DLGAP3: variants seen among roughly 807,000 people sequenced by gnomAD.
DLGAP3 encodes disks large-associated protein 3.
DLGAP3 carries 17 observed loss-of-function variants against 81.2 expected under a neutral mutation model. The observed-to-expected ratio is 0.21, with a 90% confidence interval of 0.14 to 0.31. The LOEUF is 0.31. Among genes scored for constraint, DLGAP3 ranks in the 10% least tolerant of loss-of-function variants. DLGAP3 has a pLI of 1.00. For missense variants in DLGAP3, 1,124 were observed against 1,388.0 expected (o/e 0.81, Z 3.02); for synonymous variants, 577 against 587.4 (o/e 0.98, Z 0.26).
chr1:34,903,436 G>A lies in DLGAP3; in HGVS notation c.1107+841C>T, dbSNP rs150163466. Among the ~76,000 whole-genome samples the A allele has an allele frequency of 4.5e-3, 681 of 152,298 alleles. 8 individuals carry two copies. The highest frequency in any genetic ancestry group is 0.016 in the African/African-American group (651 of 41,552). On this transcript the variant is annotated intron_variant, in intron 3 of 11. Coordinates refer to ENST00000373347, the MANE Select transcript of DLGAP3 (RefSeq NM_001080418.3). ...GATCTGTATCAACTATGTCGAATGC[G>A]GAAATACACTGGACCTCCAGAACTT...
chr1:34,878,263 G>A (rs1381639164), intron 8 of DLGAP3, among the ~76,000 whole-genome samples: 2 of 151,962 alleles, frequency 1.3e-5, no homozygotes, highest in African/African-American at 2.4e-5. Flanking sequence ...CTGAGATCAC[G>A]CCAATGCACT....
At chr1:34,876,709 T>C (rs770017315) in intron 8 of DLGAP3, among the ~76,000 whole-genome samples, 3 of 152,208 alleles carry the variant, frequency 2.0e-5, no homozygotes, top group Non-Finnish European at 4.4e-5. Flanking sequence ...CCCAGTGTGA[T>C]CACCTGTCCC....
rs60469155 is a variant in DLGAP3, at chr1:34,906,016, T to TTTTTTATATATATATATATATA, written c.-51-583_-51-582insTATATATATATATATATAAAAA. ...ACAGAGCGAGACCTGGCCTCTAAAT[T>TTTTTTATATATATATATATATA]TATATATATATATATATTTGTTTGT... is the stretch of plus-strand genomic sequence containing the variant. On this transcript the variant is annotated intron_variant, in intron 2 of 11. Coordinates refer to ENST00000373347, the MANE Select transcript of DLGAP3 (RefSeq NM_001080418.3). Among the ~76,000 whole-genome samples, 248 of 64,808 alleles carry TTTTTTATATATATATATATATA rather than the reference T, an allele frequency of 3.8e-3. 12 individuals carry two copies. Among genetic ancestry groups the TTTTTTATATATATATATATATA allele is most frequent in the African/African-American group, 0.01 (226 of 21,620 alleles). The allele number at this position is 64,808 out of a possible 152,430, so 42.5% of individuals were successfully genotyped here. A position where few individuals can be genotyped will look rare whatever the true frequency, so the allele number is the denominator to read the frequency against.
intron 1 of DLGAP3, among the ~76,000 whole-genome samples, chr1:34,918,159 T>C (rs1639744745): frequency 6.6e-6 from 1 of 152,158 alleles, no homozygotes. Context: ...CAGGCATGGT[T>C]CTCTAGTGCC....
chr1:34,886,309 A>T, intron 5 of DLGAP3, 24 bp from the exon 6 acceptor site: 2 of 1,549,348 alleles, frequency 1.3e-6, no homozygotes, highest in South Asian at 2.4e-5. Flanking sequence ...GGTCGGGAGG[A>T]CAGTTATAAG....
Position 34,885,638 on chromosome 1 carries a change from A to G in DLGAP3, c.1754T>C (p.Leu585Pro). Residue 585 changes from leucine (L) to proline (P), a missense_variant, in exon 7 of 12, where the codon CTG (leucine) becomes CCG (proline). Transcript: ENST00000373347. Reference sequence around the variant, plus strand: ...GCGCGCACCCATGGCGGGGCCGTCCAGCCCGTCGGCGGAGCTGCAGCGCCG... The same window carrying G: ...GCGCGCACCCATGGCGGGGCCGTCCGGCCCGTCGGCGGAGCTGCAGCGCCG... ...PARRCSSADG[L>P]DGPAMGARTL... 6.7e-7 allele frequency: 1 copy of G among 1,498,182 alleles called. No homozygotes were observed. 92.8% of individuals were successfully genotyped at this position (1,498,182 alleles called of 1,614,324 possible).
intron 8 of DLGAP3, 59 bp downstream of exon 8, chr1:34,884,919 T>C (rs1639194645): frequency 7.8e-7 from 1 of 1,288,276 alleles, no homozygotes; most frequent in Non-Finnish European, 1.1e-6. Flanking sequence ...GGGGACACTA[T>C]GCAGCCCTCT....
chr1:34,878,414 A>T (rs1639091501), intron 8 of DLGAP3, among the ~76,000 whole-genome samples: 1 of 152,228 alleles, frequency 6.6e-6, no homozygotes, highest in African/African-American at 2.4e-5. Flanking sequence ...ATTAACCAAA[A>T]GCAAGCAGCC....
At position 34,895,887 on chromosome 1, in the gene DLGAP3, T is replaced by A. The variant is rs1239042198; in HGVS notation, c.1386+3782A>T. On this transcript the variant is annotated intron_variant, in intron 5 of 11. Coordinates refer to ENST00000373347, the MANE Select transcript of DLGAP3 (RefSeq NM_001080418.3). The surrounding 1 kb of genome is among the most constrained non-coding windows in gnomAD (Gnocchi z 4.5). ...AATTGGATATCCGCATTCAAAAACATAAAGCTGGACCCCTAACTTGAATCA... is the reference window on the plus strand; with the variant it reads ...AATTGGATATCCGCATTCAAAAACAAAAAGCTGGACCCCTAACTTGAATCA... 6.6e-6 allele frequency among the ~76,000 whole-genome samples: 1 copy of A among 150,892 alleles called. No homozygotes were observed. Among genetic ancestry groups the A allele is most frequent in the Non-Finnish European group, 1.5e-5 (1 of 67,854 alleles).
chr1:34,883,590 G>T (rs1639176559), intron 8 of DLGAP3, among the ~76,000 whole-genome samples: 1 of 152,224 alleles, frequency 6.6e-6, no homozygotes, highest in Non-Finnish European at 1.5e-5. Context: ...TTGCAAATTG[G>T]GTTTGCCATA....
chr1:34,914,056 T>C (rs1226021781), intron 1 of DLGAP3, among the ~76,000 whole-genome samples: 2 of 152,132 alleles, frequency 1.3e-5, no homozygotes, highest in Admixed American at 6.5e-5. Flanking sequence ...GGCACAACTT[T>C]CAGGGATGGG....
chr1:34,927,795 G>A (rs1639898022), intron 1 of DLGAP3, among the ~76,000 whole-genome samples: 1 of 151,926 alleles, frequency 6.6e-6, no homozygotes, highest in South Asian at 2.1e-4. Context: ...TGCCCCCAGG[G>A]TCAGAGAGAG....
At chr1:34,906,684 A>G (rs1357753015) in intron 2 of DLGAP3, among the ~76,000 whole-genome samples, 3 of 152,240 alleles carry the variant, frequency 2.0e-5, no homozygotes, top group Non-Finnish European at 4.4e-5. Flanking sequence ...GGCTACACAC[A>G]GTAGCATCTG....
chr1:34,880,055 C>G (rs1012623719), intron 8 of DLGAP3, among the ~76,000 whole-genome samples: 4 of 152,004 alleles, frequency 2.6e-5, no homozygotes, highest in African/African-American at 7.2e-5. Flanking sequence ...TTCTTTCCCC[C>G]CCTTTTCTTT....
intron 1 of DLGAP3, among the ~76,000 whole-genome samples, chr1:34,908,010 A>T (rs986618180): frequency 6.6e-6 from 1 of 152,210 alleles, no homozygotes; most frequent in East Asian, 1.9e-4. Context: ...CTGTGCTCTT[A>T]TTCTAGGTTA....
rs2148389406 is a variant in DLGAP3, at chr1:34,866,036, C to T, written c.*47G>A. The T allele has an allele frequency of 6.6e-7, 1 of 1,504,144 alleles. No homozygotes were observed. Among genetic ancestry groups the T allele is most frequent in the Middle Eastern group, 1.8e-4 (1 of 5,564 alleles). 93.2% of individuals were successfully genotyped at this position (1,504,144 alleles called of 1,614,324 possible). A position where few individuals can be genotyped will look rare whatever the true frequency, so the allele number is the denominator to read the frequency against. On this transcript the variant is annotated 3_prime_UTR_variant, in exon 12 of 12. Coordinates refer to ENST00000373347, the MANE Select transcript of DLGAP3 (RefSeq NM_001080418.3). The stretch of plus-strand genomic sequence containing the variant: ...TGACCTCGACGCTGGGTGTACAGTA[C>T]GGGTGGAGAACCGCGGGCCCGGGCC...
chr1:34,911,255 A>G (rs1639636035), intron 1 of DLGAP3, among the ~76,000 whole-genome samples: 1 of 152,226 alleles, frequency 6.6e-6, no homozygotes. Flanking sequence ...ATGTTTTTTT[A>G]AAGCAAACAA....
chr1:34,904,941 G>A lies in DLGAP3; in HGVS notation c.443C>T (p.Ala148Val). Residue 148 changes from alanine (A) to valine (V), a missense_variant, in exon 3 of 12, where the codon GCA becomes GTA. Physicochemically the swap from Ala to Val is moderately conservative, Grantham distance 64. Transcript: ENST00000373347. The surrounding 1 kb of genome is among the most constrained non-coding windows in gnomAD (Gnocchi z 8.1). ...CGTCCCTGGCGCTGGCCCGGGCCCT[G>A]CCCCTGCTGGCCCTCGCTGGTATGG... The part of the protein sequence containing the change: ...TLPYQRGPAG[A>V]GPGPAPGTGT... The A allele has an allele frequency of 6.2e-7, 1 of 1,612,730 alleles. No individual in the cohort carries two copies. Among genetic ancestry groups the A allele is most frequent in the Non-Finnish European group, 8.5e-7 (1 of 1,179,760 alleles).
intron 8 of DLGAP3, among the ~76,000 whole-genome samples, chr1:34,877,050 G>T (rs1639069014): frequency 6.6e-6 from 1 of 152,220 alleles, no homozygotes; most frequent in Admixed American, 6.5e-5. Flanking sequence ...AAATAGGAAT[G>T]AGAAATGTCC....
Sources: gnomAD v4.1 joint callset for allele counts (sites outside exome capture counted in the v4.1 genomes callset) on GRCh38, gnomAD v4.1.1 for gene constraint, Gnocchi (gnomAD v3.1) non-coding constraint, MANE v1.5 for transcripts, NCBI Gene and HGNC (gene_info 2026-07-23, HGNC 2026-07-21) for gene names.